The following TATDN1 variants were observed in gnomAD, a reference collection of about 807,000 sequenced individuals.
The protein encoded by TATDN1 is TatD DNase domain containing 1.
TATDN1 carries 40 observed loss-of-function variants against 46.4 expected under a neutral mutation model. The ratio of observed to expected loss-of-function variants is 0.86; its 90% CI spans 0.67 to 1.12. The LOEUF (loss-of-function observed/expected upper bound fraction) is 1.12. Ranked by LOEUF, TATDN1 falls within the 50% of genes most tolerant of loss-of-function variation. TATDN1 has a pLI of 0.00. For missense variants in TATDN1, 326 were observed against 348.4 expected (o/e 0.94, Z 0.51); for synonymous variants, 95 against 105.6 (o/e 0.90, Z 0.62).
intron 1 of TATDN1, 125 bp downstream of exon 1, chr8:124,538,900 T>C: frequency 2.7e-6 from 3 of 1,117,056 alleles, no homozygotes; most frequent in Non-Finnish European, 4.0e-6. Flanking sequence ...CGCGCCCTCC[T>C]CCACTGAGCG....
At chr8:124,496,221 G>C (rs1817455742) in intron 9 of TATDN1, among the ~76,000 whole-genome samples, 1 of 150,428 alleles carries the variant, frequency 6.6e-6, no homozygotes, top group Non-Finnish European at 1.5e-5. Context: ...TTACTTTTTA[G>C]AGCAGTTTTA....
chr8:124,489,480 C>G (rs1296648015), intron 11 of TATDN1: 1 of 151,620 alleles, frequency 6.6e-6, no homozygotes, highest in African/African-American at 2.4e-5. Flanking sequence ...GTGGCACGAT[C>G]TCGGCTCACT....
At position 124,519,028 on chromosome 8, in the gene TATDN1, AT is replaced by A. The variant is rs1364530250; in HGVS notation, c.139-148del. The A allele has an allele frequency of 1.1e-5, 7 of 615,434 alleles. No homozygotes were observed. In the East Asian group the frequency reaches 1.7e-4, roughly 15 times the overall value. 38.1% of individuals were successfully genotyped at this position (615,434 alleles called of 1,614,324 possible). ...CTACCCTTTAAAATTCAGCTGGGAG[AT>A]TACCTCCTATGCAGAGTAGTGCCTG... On this transcript the variant is annotated intron_variant, in intron 3 of 11. Coordinates refer to ENST00000276692, the MANE Select transcript of TATDN1 (RefSeq NM_032026.4).
At chr8:124,493,152 C>T (rs771219235) in intron 11 of TATDN1, among the ~76,000 whole-genome samples, 6 of 152,086 alleles carry the variant, frequency 3.9e-5, no homozygotes, top group Non-Finnish European at 7.4e-5. Context: ...ATTTTGTTTT[C>T]TTTTTTACCC....
intron 1 of TATDN1, among the ~76,000 whole-genome samples, chr8:124,537,199 T>C (rs1252896059): frequency 6.6e-6 from 1 of 152,134 alleles, no homozygotes; most frequent in Non-Finnish European, 1.5e-5. Flanking sequence ...ACTACGCCCC[T>C]AGGAAAAAAA....
intron 2 of TATDN1, 35 bp from the exon 3 acceptor site, chr8:124,522,235 G>A: frequency 2.1e-6 from 3 of 1,452,330 alleles, no homozygotes; most frequent in Non-Finnish European, 2.8e-6. Flanking sequence ...TGAAAACCTG[G>A]CAGACAAAAA....
chr8:124,525,123 C>T (rs868763765), intron 1 of TATDN1, among the ~76,000 whole-genome samples: 1 of 152,108 alleles, frequency 6.6e-6, no homozygotes, highest in Non-Finnish European at 1.5e-5. Flanking sequence ...CATCCTTCCA[C>T]ACTTTAGCAT....
At position 124,510,220 on chromosome 8, in the gene TATDN1, G is replaced by A. The variant is rs115987723; in HGVS notation, c.390-1532C>T. On this transcript the variant is annotated intron_variant, in intron 6 of 11. Coordinates refer to ENST00000276692, the MANE Select transcript of TATDN1 (RefSeq NM_032026.4). ...ATTTTGCAGTGTAGGAAATATTAACGACAACTTGGACAAAAAGAGATTTTG... is the reference window on the plus strand; with the variant it reads ...ATTTTGCAGTGTAGGAAATATTAACAACAACTTGGACAAAAAGAGATTTTG... 3.0e-3 allele frequency among the ~76,000 whole-genome samples: 452 copies of A among 152,094 alleles called. 1 individual carries two copies. The highest frequency in any genetic ancestry group is 0.01 in the African/African-American group (420 of 41,494).
chr8:124,490,577 G>A (rs1816898107), intron 11 of TATDN1, among the ~76,000 whole-genome samples: 1 of 152,126 alleles, frequency 6.6e-6, no homozygotes, highest in Non-Finnish European at 1.5e-5. Context: ...GTTTGATAAT[G>A]CAGTTTATGG....
rs767165532 is a variant in TATDN1, at chr8:124,489,945, ATG to A, written c.792-1251_792-1250del. 1.4e-4 allele frequency: 21 copies of A among 152,226 alleles called. 1 individual carries two copies. Among genetic ancestry groups the A allele is most frequent in the Middle Eastern group, 6.3e-3 (2 of 316 alleles). The allele number at this position is 152,226 out of a possible 1,614,324, so 9.4% of individuals were successfully genotyped here. A position where few individuals can be genotyped will look rare whatever the true frequency, so the allele number is the denominator to read the frequency against. ...TGGGAATTTAAAAAATTGTTTTGTA[ATG>A]TGACACAAAAGCCTTGCTTGATGTT... On this transcript the variant is annotated intron_variant, in intron 11 of 11. Transcript: ENST00000276692.
rs1427735725 is a variant in TATDN1, at chr8:124,523,021, A to G, written c.23-19T>C. On this transcript the variant is annotated intron_variant, in intron 1 of 11. Coordinates refer to ENST00000276692, the MANE Select transcript of TATDN1 (RefSeq NM_032026.4). ...CCAATATCTGTAGAAAGCAAAAGTC[A>G]CTGATTAATTATTGAGTCTCTACAT... is the stretch of plus-strand genomic sequence containing the variant. 1 of 1,605,896 alleles carries G rather than the reference A, an allele frequency of 6.2e-7. No individual in the cohort carries two copies. Among genetic ancestry groups the G allele is most frequent in the Non-Finnish European group, 8.5e-7 (1 of 1,174,332 alleles).
intron 9 of TATDN1, among the ~76,000 whole-genome samples, chr8:124,500,823 T>C (rs1411738835): frequency 6.7e-6 from 1 of 149,760 alleles, no homozygotes; most frequent in Non-Finnish European, 1.5e-5. Context: ...CTAGGAGACA[T>C]ATGTTACCCC....
At chr8:124,522,875 C>G in intron 2 of TATDN1, 62 bp downstream of exon 2, 1 of 1,397,220 alleles carries the variant, frequency 7.2e-7, no homozygotes, top group Non-Finnish European at 1.0e-6. Flanking sequence ...TTTTCAAGAT[C>G]TCCTGAGGCA....
intron 1 of TATDN1, 60 bp downstream of exon 1, chr8:124,538,965 G>A (rs1821760318): frequency 6.2e-7 from 1 of 1,607,090 alleles, no homozygotes; most frequent in African/African-American, 1.3e-5. Flanking sequence ...CTGTGACCTT[G>A]GTGACCGACG....
intron 11 of TATDN1, 21 bp downstream of exon 11, chr8:124,493,812 C>G (rs759241227): frequency 8.9e-6 from 14 of 1,581,796 alleles, no homozygotes; most frequent in Admixed American, 7.6e-5. Context: ...ATTTTGAAGA[C>G]CATGAAAGCA....
At chr8:124,509,818 C>T (rs546693427) in intron 6 of TATDN1, among the ~76,000 whole-genome samples, 3 of 152,168 alleles carry the variant, frequency 2.0e-5, no homozygotes, top group African/African-American at 7.2e-5. Context: ...GCGGGTGGAT[C>T]ACTCAAGGGC....
At chr8:124,533,228 G>A (rs1270357477) in intron 1 of TATDN1, among the ~76,000 whole-genome samples, 1 of 151,738 alleles carries the variant, frequency 6.6e-6, no homozygotes, top group Non-Finnish European at 1.5e-5. Flanking sequence ...CTACAGCCTG[G>A]GCGACAGAGT....
chr8:124,499,467 A>G (rs1340196749), intron 9 of TATDN1, among the ~76,000 whole-genome samples: 1 of 152,232 alleles, frequency 6.6e-6, no homozygotes, highest in African/African-American at 2.4e-5. Context: ...AATACAAGCC[A>G]GTATTTCTAT....
At chr8:124,509,715 A>T (rs1157633512) in intron 6 of TATDN1, among the ~76,000 whole-genome samples, 1 of 152,198 alleles carries the variant, frequency 6.6e-6, no homozygotes, top group African/African-American at 2.4e-5. Context: ...GCTAAATTTT[A>T]AAATTAGAAA....
Sources: gnomAD v4.1 joint callset for allele counts (sites outside exome capture counted in the v4.1 genomes callset) on GRCh38, gnomAD v4.1.1 for gene constraint, MANE v1.5 for transcripts, NCBI Gene and HGNC (gene_info 2026-07-23, HGNC 2026-07-21) for gene names.